NTAN1: variants seen among roughly 807,000 people sequenced by gnomAD.
NTAN1 encodes the protein N-terminal asparagine amidase.
In NTAN1, 32 loss-of-function variants were observed where a neutral mutation model predicts 41.9. That is an observed-to-expected ratio of 0.76 (90% CI 0.58 to 1.03). The LOEUF (loss-of-function observed/expected upper bound fraction) is 1.03. NTAN1 is among the 50% of genes least tolerant of loss of function. The pLI is 0.00. For synonymous variants in NTAN1, 140 were observed against 139.5 expected, an observed-to-expected ratio of 1.00 and a Z score of -0.03; for missense variants, 377 against 377.5, an observed-to-expected ratio of 1.00 and a Z score of 0.01.
intron 1 of NTAN1, among the ~76,000 whole-genome samples, chr16:15,050,565 CTACAAAAAT>C (rs1314572366): frequency 6.6e-6 from 1 of 151,994 alleles, no homozygotes; most frequent in African/African-American, 2.4e-5. Context: ...GATCCTGTCT[CTACAAAAAT>C]TACAAAAATT....
intron 1 of NTAN1, among the ~76,000 whole-genome samples, chr16:15,051,141 G>A (rs1377983042): frequency 6.6e-6 from 1 of 152,214 alleles, no homozygotes; most frequent in Non-Finnish European, 1.5e-5. Context: ...GGAAGAGAAG[G>A]GAGGGCGCAA....
In NTAN1 at chr16:15,038,018, T is replaced by C. The variant is rs1294760578; in HGVS notation, c.*13A>G. 4 of 1,603,800 alleles carry C rather than the reference T, an allele frequency of 2.5e-6. No individual in the cohort carries two copies. The highest frequency in any genetic ancestry group is 3.4e-5 in the Admixed American group (2 of 58,610). On this transcript the variant is annotated 3_prime_UTR_variant, in exon 10 of 10. Coordinates refer to ENST00000287706, the MANE Select transcript of NTAN1 (RefSeq NM_173474.4). ...CAGGCCAAGAAGGTGCTTTCTTTGG[T>C]AATTCATGTTTTTTAACTTCCTGGA...
At chr16:15,048,156 T>A in intron 1 of NTAN1, 57 bp from the exon 2 acceptor site, 1 of 1,296,398 alleles carries the variant, frequency 7.7e-7, no homozygotes, top group Non-Finnish European at 1.1e-6. Flanking sequence ...ATGGAAAAAC[T>A]AAAGATGTGG....
In NTAN1 at chr16:15,038,186, C is replaced by T. The variant is rs1320193907; in HGVS notation, c.778G>A (p.Glu260Lys). 1 of 1,612,682 alleles carries T rather than the reference C, an allele frequency of 6.2e-7. No individual in the cohort carries two copies. The highest frequency in any genetic ancestry group is 1.1e-5 in the South Asian group (1 of 90,634). ...ATATGTTCAACAAAGTGGGGTGGCT[C>T]AGCCAGAGGCGAAGTGGAAAGATTC... ...LENLSTSPLA[E>K]PPHFVEHIRS... The change falls in exon 10 of 10, where the codon GAG (glutamate) becomes AAG (lysine). Residue 260 changes from glutamate (E) to lysine (K), a missense_variant. By Grantham distance (56) the Glu-to-Lys change is moderately conservative. Coordinates refer to ENST00000287706, the MANE Select transcript of NTAN1 (RefSeq NM_173474.4).
At chr16:15,039,362 C>T (rs563222023) in intron 8 of NTAN1, among the ~76,000 whole-genome samples, 1 of 152,156 alleles carries the variant, frequency 6.6e-6, no homozygotes, top group Admixed American at 6.5e-5. Context: ...GAGAAGATTT[C>T]TTTGGGGTGG....
chr16:15,044,520 T>G, intron 4 of NTAN1, 113 bp from the exon 5 acceptor site: 1 of 745,288 alleles, frequency 1.3e-6, no homozygotes, highest in Non-Finnish European at 2.4e-6. Context: ...ACAGCAGAGC[T>G]GCAGGTCATC....
intron 1 of NTAN1, among the ~76,000 whole-genome samples, chr16:15,054,729 C>T (rs1298873583): frequency 6.6e-6 from 1 of 152,138 alleles, no homozygotes; most frequent in Non-Finnish European, 1.5e-5. Flanking sequence ...CTTTACTGAG[C>T]GCCAATTCTA....
At chr16:15,055,501 C>T (rs2044472851) in intron 1 of NTAN1, among the ~76,000 whole-genome samples, 1 of 152,218 alleles carries the variant, frequency 6.6e-6, no homozygotes, top group Admixed American at 6.5e-5. Context: ...GACGAAGCAA[C>T]GTTCACCGCA....
chr16:15,052,592 T>C (rs1184121201), intron 1 of NTAN1, among the ~76,000 whole-genome samples: 2 of 152,212 alleles, frequency 1.3e-5, no homozygotes, highest in African/African-American at 4.8e-5. Flanking sequence ...CCCAGCACTT[T>C]GGAGGCCGAG....
chr16:15,055,601 T>C (rs953959484), intron 1 of NTAN1: 4 of 294,062 alleles, frequency 1.4e-5, no homozygotes, highest in Admixed American at 5.2e-5. Flanking sequence ...GGAATGGGGG[T>C]CCCGGCGTGT....
At chr16:15,039,941 C>A in intron 8 of NTAN1, 28 bp downstream of exon 8, 1 of 1,328,374 alleles carries the variant, frequency 7.5e-7, no homozygotes, top group Non-Finnish European at 1.1e-6. Context: ...TTTTTTTAAC[C>A]CCTTAACAAA....
At chr16:15,042,231 G>A (rs977232982) in intron 5 of NTAN1, among the ~76,000 whole-genome samples, 1 of 148,252 alleles carries the variant, frequency 6.7e-6, no homozygotes. Flanking sequence ...TGTCACCCAG[G>A]CTGGAGTGCA....
At chr16:15,055,265 C>A (rs538644575) in intron 1 of NTAN1, among the ~76,000 whole-genome samples, 7 of 152,312 alleles carry the variant, frequency 4.6e-5, no homozygotes, top group African/African-American at 1.4e-4. Context: ...TATTTGAGCA[C>A]AAAAGCAGAA....
intron 5 of NTAN1, among the ~76,000 whole-genome samples, chr16:15,043,503 C>T (rs2043917378): frequency 6.6e-6 from 1 of 152,232 alleles, no homozygotes; most frequent in East Asian, 1.9e-4. Context: ...GATGGCGCCA[C>T]TGCACTACAG....
chr16:15,044,686 G>T, intron 4 of NTAN1: 1 of 501,568 alleles, frequency 2.0e-6, no homozygotes. Context: ...CTTTGCTCTG[G>T]AAGAGCACAG....
intron 3 of NTAN1, 26 bp downstream of exon 3, chr16:15,047,829 G>A (rs949832999): frequency 1.3e-6 from 2 of 1,582,420 alleles, no homozygotes; most frequent in African/African-American, 2.7e-5. Flanking sequence ...TTTAAGTAAT[G>A]GTTTCCTTCA....
Position 15,038,664 on chromosome 16 carries a change from C to G in NTAN1, c.663G>C (p.Glu221Asp). The change falls in exon 9 of 10, where the codon GAG (glutamate) becomes GAC (aspartate). Residue 221 changes from glutamate to aspartate, a missense_variant. Glu to Asp is a conservative substitution (Grantham distance 45). Coordinates refer to ENST00000287706, the MANE Select transcript of NTAN1 (RefSeq NM_173474.4). ...GGPMISIYDA[E>D]TEQLRIGPYS... ...ACGGTCCTATACGAAGTTGTTCTGT[C>G]TCTGCATCATAAATGCTAATCATCT... 5 of 1,591,678 alleles carry G rather than the reference C, an allele frequency of 3.1e-6. No homozygotes were observed. The highest frequency in any genetic ancestry group is 4.3e-6 in the Non-Finnish European group (5 of 1,162,340).
rs1053913670 is a variant in NTAN1, at chr16:15,038,229, G to A, written c.754-19C>T. 3.7e-6 allele frequency: 6 copies of A among 1,601,702 alleles called. No individual in the cohort carries two copies. Among genetic ancestry groups the A allele is most frequent in the Non-Finnish European group, 5.1e-6 (6 of 1,171,806 alleles). ...AAAGATTCTGAAAACACAAGATGGT[G>A]GGCATTAGAGAAGCCAACCTTACTG... On this transcript the variant is annotated intron_variant, in intron 9 of 9. Coordinates refer to ENST00000287706, the MANE Select transcript of NTAN1 (RefSeq NM_173474.4).
chr16:15,038,320 CG>C (rs1415085733), intron 9 of NTAN1, 110 bp from the exon 10 acceptor site: 8 of 801,448 alleles, frequency 1.0e-5, no homozygotes, highest in Non-Finnish European at 1.6e-5. Flanking sequence ...TAATAAAATA[CG>C]TTAAGAAATG....
Sources: gnomAD v4.1 joint callset for allele counts (sites outside exome capture counted in the v4.1 genomes callset) on GRCh38, gnomAD v4.1.1 for gene constraint, MANE v1.5 for transcripts, NCBI Gene and HGNC (gene_info 2026-07-23, HGNC 2026-07-21) for gene names.